The following PCNT variants were observed in gnomAD, a reference collection of about 807,000 sequenced individuals.
PCNT encodes the protein pericentrin, also known as kendrin.
In PCNT, 319 loss-of-function variants were observed where a neutral mutation model predicts 380.4. The observed-to-expected ratio is 0.84, with a 90% CI of 0.77 to 0.92. The LOEUF (loss-of-function observed/expected upper bound fraction) is 0.92. Among genes scored for constraint, PCNT ranks in the 40% least tolerant of loss-of-function variants. The probability of loss-of-function intolerance (pLI) is 0.00; values close to 1 mark genes in which losing one functional copy is unlikely to be tolerated. For synonymous variants in PCNT, 1,845 were observed against 1,735.2 expected (o/e 1.06, Z -1.57); for missense variants, 4,400 against 4,255.3 (o/e 1.03, Z -0.95).
At chr21:46,387,893 C>T (rs1024666411) in intron 17 of PCNT, among the ~76,000 whole-genome samples, 10 of 152,086 alleles carry the variant, frequency 6.6e-5, no homozygotes, top group African/African-American at 2.4e-4. Context: ...GGCCTGTGGC[C>T]TCGGGAGCCC....
At chr21:46,340,387 C>T (rs570767103) in intron 3 of PCNT, among the ~76,000 whole-genome samples, 1 of 152,280 alleles carries the variant, frequency 6.6e-6, no homozygotes, top group South Asian at 2.1e-4. Context: ...TTGTGCTTGC[C>T]TTCTTTTTGC....
At chr21:46,389,072 C>T (rs1053562891) in intron 18 of PCNT, 127 bp from the exon 19 acceptor site, 80 of 1,259,274 alleles carry the variant, frequency 6.4e-5, no homozygotes, top group Non-Finnish European at 8.6e-5. Context: ...CTCCCGTGGA[C>T]GTGGCGCTGA....
intron 42 of PCNT, 46 bp from the exon 43 acceptor site, chr21:46,440,809 A>C: frequency 8.8e-7 from 1 of 1,142,784 alleles, no homozygotes; most frequent in Non-Finnish European, 1.3e-6. Context: ...TCAGCAAGAC[A>C]GTCTTTGTTT....
intron 15 of PCNT, among the ~76,000 whole-genome samples, chr21:46,377,589 C>G (rs545001573): frequency 2.0e-5 from 3 of 152,046 alleles, no homozygotes; most frequent in Non-Finnish European, 4.4e-5. Context: ...AAAAAGAAAC[C>G]CCCAGTGGCT....
chr21:46,396,111 G>A (rs2086201246), intron 21 of PCNT, among the ~76,000 whole-genome samples: 1 of 152,184 alleles, frequency 6.6e-6, no homozygotes, highest in African/African-American at 2.4e-5. Context: ...TAATAAAATG[G>A]AGGCTTCAGG....
chr21:46,365,715 C>A (rs1210092832), intron 14 of PCNT, among the ~76,000 whole-genome samples: 1 of 146,642 alleles, frequency 6.8e-6, no homozygotes, highest in Admixed American at 6.8e-5. Flanking sequence ...GGGTTCTGTT[C>A]ACTGCTGTGG....
Position 46,353,111 on chromosome 21 carries a change from T to A in PCNT, c.1464T>A (p.His488Gln). Residue 488 changes from histidine to glutamine, a missense_variant, in exon 10 of 47, where the codon CAT becomes CAA. His to Gln is a conservative substitution (Grantham distance 24). Coordinates refer to ENST00000359568, the MANE Select transcript of PCNT (RefSeq NM_006031.6). ...GACTCCGTTATGTTGCAGAGCTACA[T>A]GAGCAACTCCTGGCGCGCACCTCTC... ...RTSRQELSELHEQLLARTSRV... is the reference protein window; with the variant it reads ...RTSRQELSELQEQLLARTSRV... The A allele has an allele frequency of 6.2e-7, 1 of 1,613,758 alleles. No homozygotes were observed. Among genetic ancestry groups the A allele is most frequent in the South Asian group, 1.1e-5 (1 of 91,070 alleles).
chr21:46,334,355 G>C (rs1250467818), intron 2 of PCNT, 42 bp from the exon 3 acceptor site: 3 of 1,613,644 alleles, frequency 1.9e-6, no homozygotes, highest in African/African-American at 1.3e-5. Flanking sequence ...TGCAGCCCTA[G>C]ACCTTGCTTT....
In PCNT at chr21:46,353,136, CGT is replaced by C. The variant is rs1569185709; in HGVS notation, c.1493_1494del (p.Val498GlyfsTer15). 1 of 1,614,006 alleles carries C rather than the reference CGT, an allele frequency of 6.2e-7. No individual in the cohort carries two copies. The highest frequency in any genetic ancestry group is 8.5e-7 in the Non-Finnish European group (1 of 1,180,024). ...LHEQLLARTS[R>X]VEDLEQLKQR... Reference sequence around the variant, plus strand: ...TGAGCAACTCCTGGCGCGCACCTCTCGTGTGGAAGATTTAGAACAGCTGAAGC... The same window carrying C: ...TGAGCAACTCCTGGCGCGCACCTCTCGTGGAAGATTTAGAACAGCTGAAGC... On this transcript the variant is annotated frameshift_variant, in exon 10 of 47. Transcript: ENST00000359568. LOFTEE classifies it high-confidence loss of function.
intron 12 of PCNT, among the ~76,000 whole-genome samples, 200 bp from the exon 13 acceptor site, chr21:46,356,774 C>CA (rs1387398231): frequency 6.6e-6 from 1 of 152,232 alleles, no homozygotes; most frequent in Non-Finnish European, 1.5e-5. Context: ...TGTGCTGGGG[C>CA]AGCATGGAGG....
chr21:46,425,742 C>A lies in PCNT; in HGVS notation c.7180-89C>A. 2.5e-6 allele frequency: 4 copies of A among 1,585,718 alleles called. No homozygotes were observed. The highest frequency in any genetic ancestry group is 2.2e-5 in the South Asian group (2 of 90,318). On this transcript the variant is annotated intron_variant, in intron 32 of 46. Transcript: ENST00000359568. The surrounding 1 kb of genome is among the most constrained non-coding windows in gnomAD (Gnocchi z 4.2). ...CACAGCTGCCCGCCCTTCACAGAGT[C>A]CTGGCGGCAGCTCGGGGCCGCAGGT...
chr21:46,393,995 T>G (rs1312925865), intron 21 of PCNT, among the ~76,000 whole-genome samples: 1 of 152,226 alleles, frequency 6.6e-6, no homozygotes, highest in East Asian at 1.9e-4. Flanking sequence ...TCGGGCCAAC[T>G]TTGTCACTGG....
At chr21:46,412,617 C>G (rs2086824765) in intron 28 of PCNT, among the ~76,000 whole-genome samples, 1 of 152,216 alleles carries the variant, frequency 6.6e-6, no homozygotes, top group Non-Finnish European at 1.5e-5. Context: ...CCACCTTGCT[C>G]TGTGGGGTCG....
chr21:46,413,253 T>C (rs13050327), intron 29 of PCNT, among the ~76,000 whole-genome samples: 34 of 110,008 alleles, frequency 3.1e-4, no homozygotes, highest in Admixed American at 5.2e-4. Flanking sequence ...GGGGAAGGCG[T>C]GAGGCCCCCC....
At chr21:46,343,446 T>C (rs2083966392) in intron 3 of PCNT, among the ~76,000 whole-genome samples, 2 of 26,428 alleles carry the variant, frequency 7.6e-5, no homozygotes, top group South Asian at 2.3e-3. Context: ...TGTTAACTTG[T>C]GTGTGTTGAA....
chr21:46,402,263 C>T (rs925673723), intron 26 of PCNT, 68 bp from the exon 27 acceptor site: 4 of 1,057,972 alleles, frequency 3.8e-6, no homozygotes, highest in Middle Eastern at 3.1e-4. Flanking sequence ...TTAATAATGT[C>T]TTAATTATTA....
rs900177101 is a variant in PCNT, at chr21:46,346,181, A to G, written c.693A>G (p.Glu231=). The G allele has an allele frequency of 1.9e-6, 3 of 1,601,382 alleles. No individual in the cohort carries two copies. Among genetic ancestry groups the G allele is most frequent in the African/African-American group, 2.7e-5 (2 of 74,324 alleles). ...LAITDLESGR[E]DEAGLHQSQA... ...TTACTGACCTGGAGAGCGGCCGTGAAGATGAGGCTGGCCTGCATCAGAGTC... is the reference window on the plus strand; with the variant it reads ...TTACTGACCTGGAGAGCGGCCGTGAGGATGAGGCTGGCCTGCATCAGAGTC... Residue 231 remains glutamate, a synonymous_variant, in exon 4 of 47, where the codon GAA becomes GAG. Transcript: ENST00000359568.
At chr21:46,384,383 C>T (rs2085742075) in intron 16 of PCNT, among the ~76,000 whole-genome samples, 2 of 147,456 alleles carry the variant, frequency 1.4e-5, no homozygotes, top group African/African-American at 5.0e-5. Context: ...GACGGAAGCG[C>T]ATTCACGGTG....
chr21:46,325,472 G>A (rs2083354395), intron 1 of PCNT, among the ~76,000 whole-genome samples: 2 of 152,250 alleles, frequency 1.3e-5, no homozygotes, highest in Admixed American at 6.5e-5. Context: ...GACATGGATA[G>A]GTGTGGTGGA....
Sources: gnomAD v4.1 joint callset for allele counts (sites outside exome capture counted in the v4.1 genomes callset) on GRCh38, gnomAD v4.1.1 for gene constraint, Gnocchi (gnomAD v3.1) non-coding constraint, MANE v1.5 for transcripts, NCBI Gene and HGNC (gene_info 2026-07-23, HGNC 2026-07-21) for gene names.